Variants in FMO3 observed in about 807,000 individuals in gnomAD.
The protein encoded by FMO3 is flavin containing dimethylaniline monoxygenase 3.
FMO3 carries 40 observed loss-of-function variants against 39.4 expected under a neutral mutation model. That is an observed-to-expected ratio of 1.02 (90% CI 0.79 to 1.32). FMO3 has a LOEUF of 1.32. Among genes scored for constraint, FMO3 ranks in the 40% most tolerant of loss-of-function variants. FMO3 has a pLI of 0.00. For synonymous variants in FMO3, 219 were observed against 228.8 expected, an observed-to-expected ratio of 0.96 and a Z score of 0.39; for missense variants, 680 against 651.8, an observed-to-expected ratio of 1.04 and a Z score of -0.47.
In FMO3 at chr1:171,107,719, T is replaced by C. The variant is rs754119312; in HGVS notation, c.366T>C (p.Thr122=). The change falls in exon 4 of 9, where the codon ACT becomes ACC. Residue 122 remains threonine (T), a synonymous_variant. Transcript: ENST00000367755. ...SVNKHPDFAT[T]GQWDVTTERD... is the part of the protein sequence containing the mutation. ...ATAAACATCCTGATTTTGCAACTAC[T>C]GGCCAGTGGGATGTTACCACTGAAA... is the stretch of plus-strand genomic sequence containing the variant. The C allele has an allele frequency of 6.2e-6, 10 of 1,612,366 alleles. No homozygotes were observed. Among genetic ancestry groups the C allele is most frequent in the Non-Finnish European group, 7.6e-6 (9 of 1,178,568 alleles).
In FMO3 at chr1:171,108,134, T is replaced by G; in HGVS notation, c.540T>G (p.Gly180=). 6.2e-7 allele frequency: 1 copy of G among 1,613,876 alleles called. No homozygotes were observed. The highest frequency in any genetic ancestry group is 8.5e-7 in the Non-Finnish European group (1 of 1,179,870). ...CFHSRDYKEP[G]VFNGKRVLVV... ...ACAGCAGGGACTATAAAGAACCAGG[T>G]GTATTCAATGGAAAGCGTGTCCTGG... Residue 180 remains glycine (G), a synonymous_variant, in exon 5 of 9, where the codon GGT becomes GGG. Transcript: ENST00000367755.
chr1:171,113,191 C>T (rs1454912554), intron 6 of FMO3, among the ~76,000 whole-genome samples: 1 of 152,224 alleles, frequency 6.6e-6, no homozygotes, highest in Admixed American at 6.5e-5. Flanking sequence ...CAACTGTATT[C>T]ACATTCATCC....
intron 2 of FMO3, among the ~76,000 whole-genome samples, chr1:171,093,622 A>G (rs1654814856): frequency 6.6e-6 from 1 of 151,818 alleles, no homozygotes; most frequent in Non-Finnish European, 1.5e-5. Flanking sequence ...TTTCTTTGCT[A>G]TTGTGAATGG....
intron 2 of FMO3, among the ~76,000 whole-genome samples, chr1:171,099,576 AT>A (rs533460338): frequency 2.0e-5 from 3 of 151,562 alleles, no homozygotes; most frequent in South Asian, 4.2e-4. Flanking sequence ...AGCTAGGTAT[AT>A]TTTTTTTCCT....
At chr1:171,114,620 T>C (rs1656064807) in intron 7 of FMO3, among the ~76,000 whole-genome samples, 2 of 152,212 alleles carry the variant, frequency 1.3e-5, no homozygotes, top group South Asian at 2.1e-4. Flanking sequence ...CCCAAGATCA[T>C]TTATTAGACT....
chr1:171,094,164 G>T (rs1403616112), intron 2 of FMO3, among the ~76,000 whole-genome samples: 1 of 152,018 alleles, frequency 6.6e-6, no homozygotes, highest in Non-Finnish European at 1.5e-5. Context: ...TCTGACTGGT[G>T]TAAGATAGTA....
intron 2 of FMO3, 124 bp downstream of exon 2, chr1:171,092,914 C>T (rs951150590): frequency 1.9e-6 from 2 of 1,041,048 alleles, no homozygotes; most frequent in Non-Finnish European, 2.9e-6. Context: ...GAATTGGAAT[C>T]CACTAAGTAC....
chr1:171,107,951 A>T, intron 4 of FMO3, 114 bp downstream of exon 4: 4 of 1,351,360 alleles, frequency 3.0e-6, no homozygotes, highest in Admixed American at 3.4e-5. Flanking sequence ...CTTCTGTTAT[A>T]TCTAATATGC....
intron 1 of FMO3, among the ~76,000 whole-genome samples, chr1:171,092,013 GT>G (rs1022498241): frequency 1.3e-5 from 2 of 152,070 alleles, no homozygotes; most frequent in African/African-American, 4.8e-5. Context: ...AGGTGTTTTA[GT>G]TGCGAATCTT....
intron 2 of FMO3, among the ~76,000 whole-genome samples, chr1:171,096,725 TA>T (rs1197900478): frequency 4.3e-5 from 6 of 139,504 alleles, no homozygotes; most frequent in East Asian, 2.1e-4. Flanking sequence ...ATAATTATAT[TA>T]AAAATATATA....
At chr1:171,106,757 T>C (rs1655655878) in intron 3 of FMO3, among the ~76,000 whole-genome samples, 1 of 151,834 alleles carries the variant, frequency 6.6e-6, no homozygotes, top group African/African-American at 2.4e-5. Context: ...ATAAAAAGAG[T>C]TAGGCAAGGT....
chr1:171,091,848 T>G (rs1281451605), intron 1 of FMO3, among the ~76,000 whole-genome samples: 1 of 152,076 alleles, frequency 6.6e-6, no homozygotes, highest in African/African-American at 2.4e-5. Flanking sequence ...CTTCAGACCT[T>G]GTTCCTCATT....
At chr1:171,095,886 A>G (rs1337240789) in intron 2 of FMO3, among the ~76,000 whole-genome samples, 2 of 854 alleles carry the variant, frequency 2.3e-3, no homozygotes, top group Admixed American at 0.013. Flanking sequence ...ATATAATTAT[A>G]TTATATATAA....
intron 5 of FMO3, among the ~76,000 whole-genome samples, chr1:171,110,531 A>G (rs1044106929): frequency 6.6e-6 from 1 of 152,094 alleles, no homozygotes; most frequent in Non-Finnish European, 1.5e-5. Flanking sequence ...CATTGCCCCA[A>G]TTTGAGGTGA....
intron 2 of FMO3, among the ~76,000 whole-genome samples, chr1:171,094,324 T>G (rs1654854619): frequency 2.0e-5 from 3 of 152,152 alleles, no homozygotes; most frequent in Admixed American, 2.0e-4. Context: ...TGTGCTTCTT[T>G]AAAATTGAGT....
intron 2 of FMO3, chr1:171,101,004 A>G (rs537770677): frequency 4.7e-4 from 192 of 408,074 alleles, no homozygotes; most frequent in Non-Finnish European, 6.4e-4. Context: ...CAAAGAGAAG[A>G]GAGAAGGTGA....
In FMO3 at chr1:171,108,400, C is replaced by G. The variant is rs79233811; in HGVS notation, c.627+179C>G. ...GTGAGGTTTTAAATCACTTCATAGA[C>G]AAAGGCAGAACATCAGCAAGGAGTA... On this transcript the variant is annotated intron_variant, in intron 5 of 8. Transcript: ENST00000367755. Among the ~76,000 whole-genome samples the G allele has an allele frequency of 3.9e-3, 591 of 152,248 alleles. 3 individuals are homozygous for G. Among genetic ancestry groups the G allele is most frequent in the Non-Finnish European group, 6.5e-3 (442 of 68,016 alleles).
intron 2 of FMO3, among the ~76,000 whole-genome samples, chr1:171,096,107 AATT>A (rs1254256815): frequency 8.9e-5 from 7 of 79,044 alleles, no homozygotes; most frequent in East Asian, 8.4e-4. Context: ...TTATATAATT[AATT>A]ATTATATATT....
In FMO3 at chr1:171,092,511, G is replaced by A. The variant is rs375646780; in HGVS notation, c.-6-142G>A. 20 of 938,378 alleles carry A rather than the reference G, an allele frequency of 2.1e-5. 1 individual carries two copies. Among genetic ancestry groups the A allele is most frequent in the Admixed American group, 1.2e-4 (6 of 48,404 alleles). The allele number at this position is 938,378 out of a possible 1,614,324, so 58.1% of individuals were successfully genotyped here. On this transcript the variant is annotated intron_variant, in intron 1 of 8. Transcript: ENST00000367755. ...CTCCCAAAGTGCTGGGATTACAGGC[G>A]TGAGCTACCATACTCAGCCAGTGTT... is the stretch of plus-strand genomic sequence containing the variant.
Sources: allele counts gnomAD v4.1 joint callset (sites outside exome capture counted in the v4.1 genomes callset), GRCh38; gene constraint gnomAD v4.1.1; transcripts MANE v1.5; gene names NCBI Gene and HGNC (gene_info 2026-07-23, HGNC 2026-07-21).